GNG12: variants seen among roughly 807,000 people sequenced by gnomAD.
GNG12 encodes the protein guanine nucleotide-binding protein G(I)/G(S)/G(O) subunit gamma-12.
For missense variants in GNG12, 69 were observed against 83.8 expected, an observed-to-expected ratio of 0.82 and a Z score of 0.69; for synonymous variants, 28 against 29.7, an observed-to-expected ratio of 0.94 and a Z score of 0.19.
intron 1 of GNG12, among the ~76,000 whole-genome samples, chr1:67,799,011 C>T (rs1010450711): frequency 6.6e-5 from 10 of 152,058 alleles, no homozygotes; most frequent in Non-Finnish European, 1.3e-4. Flanking sequence ...TCTCCTCATG[C>T]TTTTCTTAAT....
intron 1 of GNG12, among the ~76,000 whole-genome samples, chr1:67,786,932 T>TAC: frequency 1.9e-5 from 1 of 51,844 alleles, no homozygotes; most frequent in African/African-American, 5.7e-5. Flanking sequence ...GACTTATATA[T>TAC]ATATGTGTGT....
At chr1:67,766,319 G>A (rs957927408) in intron 2 of GNG12, among the ~76,000 whole-genome samples, 6 of 152,174 alleles carry the variant, frequency 3.9e-5, no homozygotes, top group African/African-American at 1.4e-4. Context: ...TTCACCGAAA[G>A]GGGAAATTAT....
intron 1 of GNG12, among the ~76,000 whole-genome samples, chr1:67,810,139 G>A (rs181953470): frequency 7.2e-5 from 11 of 152,246 alleles, no homozygotes; most frequent in East Asian, 1.9e-4. Flanking sequence ...ACTTAAATGC[G>A]TATTACTAAG....
At chr1:67,709,895 T>C (rs1406128824) in intron 2 of GNG12, among the ~76,000 whole-genome samples, 1 of 111,462 alleles carries the variant, frequency 9.0e-6, no homozygotes, top group East Asian at 2.3e-4. Context: ...TATAGTTATA[T>C]ATATATTTTT....
intron 2 of GNG12, among the ~76,000 whole-genome samples, chr1:67,726,330 AT>A (rs1646386207): frequency 6.6e-6 from 1 of 152,256 alleles, no homozygotes; most frequent in African/African-American, 2.4e-5. Flanking sequence ...TCCATATGCA[AT>A]ACACAAAGAA....
At chr1:67,725,750 T>C (rs1270070259) in intron 2 of GNG12, among the ~76,000 whole-genome samples, 1 of 152,228 alleles carries the variant, frequency 6.6e-6, no homozygotes, top group East Asian at 1.9e-4. Context: ...ATGGCACCCA[T>C]ACAGTACGTT....
chr1:67,833,004 C>G (rs1191586666), intron 1 of GNG12, among the ~76,000 whole-genome samples: 1 of 152,142 alleles, frequency 6.6e-6, no homozygotes, highest in Non-Finnish European at 1.5e-5. Context: ...CCTTCCACCC[C>G]CAGCCCTAGC....
intron 2 of GNG12, among the ~76,000 whole-genome samples, chr1:67,729,650 C>G (rs1451657143): frequency 2.0e-5 from 3 of 152,142 alleles, no homozygotes; most frequent in African/African-American, 7.2e-5. Flanking sequence ...GGCTTTTAAT[C>G]CATCAGACTG....
chr1:67,801,455 T>C (rs193269283), intron 1 of GNG12, among the ~76,000 whole-genome samples: 42 of 152,312 alleles, frequency 2.8e-4, no homozygotes, highest in African/African-American at 8.9e-4. Flanking sequence ...CTTCCCTACA[T>C]GCTGATTTCT....
intron 1 of GNG12, among the ~76,000 whole-genome samples, chr1:67,804,209 C>T (rs1646882278): frequency 6.6e-6 from 1 of 152,220 alleles, no homozygotes; most frequent in Admixed American, 6.5e-5. Flanking sequence ...CTATTACTTT[C>T]TCCAGTAACC....
At chr1:67,821,609 T>G (rs1412044356) in intron 1 of GNG12, among the ~76,000 whole-genome samples, 1 of 152,160 alleles carries the variant, frequency 6.6e-6, no homozygotes, top group East Asian at 1.9e-4. Flanking sequence ...AAAACCCAGA[T>G]GAGAGAAATC....
At chr1:67,772,715 T>C (rs1385109676) in intron 2 of GNG12, 1 of 152,202 alleles carries the variant, frequency 6.6e-6, no homozygotes, top group East Asian at 1.9e-4. Flanking sequence ...CCCTCTCTCA[T>C]GGGACACATG....
chr1:67,752,889 C>A (rs1202015644), intron 2 of GNG12, among the ~76,000 whole-genome samples: 7 of 152,178 alleles, frequency 4.6e-5, no homozygotes, highest in African/African-American at 1.7e-4. Flanking sequence ...GTCCCTGTGT[C>A]CTTACAAAAA....
At chr1:67,739,872 A>T (rs1646473226) in intron 2 of GNG12, among the ~76,000 whole-genome samples, 1 of 152,130 alleles carries the variant, frequency 6.6e-6, no homozygotes, top group South Asian at 2.1e-4. Context: ...AATATTTACA[A>T]CTCTGTTTTA....
intron 1 of GNG12, among the ~76,000 whole-genome samples, chr1:67,818,683 A>G (rs1646968235): frequency 1.3e-5 from 2 of 152,088 alleles, no homozygotes; most frequent in African/African-American, 4.8e-5. Context: ...TATTGTGGAG[A>G]GCCACAAGAA....
intron 1 of GNG12, among the ~76,000 whole-genome samples, chr1:67,795,801 T>TG: frequency 6.6e-6 from 1 of 152,080 alleles, no homozygotes; most frequent in Non-Finnish European, 1.5e-5. Flanking sequence ...GGATGTGGAG[T>TG]GTGAGGACAC....
chr1:67,833,102 G>A (rs1647060165), intron 1 of GNG12, among the ~76,000 whole-genome samples: 1 of 151,294 alleles, frequency 6.6e-6, no homozygotes, highest in African/African-American at 2.4e-5. Context: ...CTGGGTCTCG[G>A]TGTCCCTTGG....
intron 2 of GNG12, among the ~76,000 whole-genome samples, chr1:67,749,922 G>GTCCCA (rs1485948194): frequency 6.6e-6 from 1 of 152,152 alleles, no homozygotes; most frequent in East Asian, 1.9e-4. Context: ...GTTAGGAACT[G>GTCCCA]TCCCATCTAC....
At chr1:67,708,264 G>A (rs1018507759) in intron 2 of GNG12, among the ~76,000 whole-genome samples, 2 of 152,156 alleles carry the variant, frequency 1.3e-5, no homozygotes, top group East Asian at 1.9e-4. Flanking sequence ...ATGTGGAATC[G>A]TTTTGAAAGT....
Sources: allele counts gnomAD v4.1 joint callset (sites outside exome capture counted in the v4.1 genomes callset), GRCh38; gene constraint gnomAD v4.1.1; transcripts MANE v1.5; gene names NCBI Gene and HGNC (gene_info 2026-07-23, HGNC 2026-07-21).